SPACA7: variants seen among roughly 807,000 people sequenced by gnomAD.
SPACA7 encodes the protein sperm acrosome-associated protein 7.
SPACA7 carries 19 observed loss-of-function variants against 26.3 expected under a neutral mutation model. That is an observed-to-expected ratio of 0.72 (90% CI 0.50 to 1.06). SPACA7 has a LOEUF of 1.06. Among genes scored for constraint, SPACA7 ranks in the 50% least tolerant of loss-of-function variants. The pLI, the probability that SPACA7 is intolerant of heterozygous loss-of-function variation, is 0.00. For missense variants in SPACA7, 211 were observed against 229.9 expected, an observed-to-expected ratio of 0.92 and a Z score of 0.53; for synonymous variants, 84 against 84.5, an observed-to-expected ratio of 0.99 and a Z score of 0.04.
chr13:112,393,157 C>T (rs1406203704), intron 2 of SPACA7, 80 bp downstream of exon 2: 2 of 1,192,090 alleles, frequency 1.7e-6, no homozygotes, highest in African/African-American at 1.5e-5. Flanking sequence ...TCCCAGATAA[C>T]CTGGTACCAA....
At chr13:112,431,885 T>G (rs1359333932) in intron 5 of SPACA7, among the ~76,000 whole-genome samples, 1 of 152,134 alleles carries the variant, frequency 6.6e-6, no homozygotes, top group Non-Finnish European at 1.5e-5. Flanking sequence ...TGGGGCCGGT[T>G]TGGGGGGACT....
At chr13:112,380,969 T>C (rs9635134) in intron 1 of SPACA7, among the ~76,000 whole-genome samples, 2 of 152,334 alleles carry the variant, frequency 1.3e-5, no homozygotes, top group East Asian at 1.9e-4. Context: ...TTTAGAGATA[T>C]ATTTATCTAC....
At chr13:112,406,030 A>G (rs1885967121) in intron 5 of SPACA7, among the ~76,000 whole-genome samples, 1 of 152,154 alleles carries the variant, frequency 6.6e-6, no homozygotes, top group Admixed American at 6.6e-5. Flanking sequence ...TTTTTAGTTT[A>G]CCATTTAAAC....
At chr13:112,431,701 C>T (rs138568637) in intron 5 of SPACA7, among the ~76,000 whole-genome samples, 304 of 152,248 alleles carry the variant, frequency 2.0e-3, no homozygotes, top group African/African-American at 2.7e-3. Flanking sequence ...TGCACCTGCA[C>T]GGAGTTTTGG....
At chr13:112,429,789 T>G (rs1201653879) in intron 5 of SPACA7, among the ~76,000 whole-genome samples, 2 of 152,224 alleles carry the variant, frequency 1.3e-5, no homozygotes, top group African/African-American at 4.8e-5. Flanking sequence ...GAATCTTACT[T>G]CATTATGTGT....
Position 112,398,098 on chromosome 13 carries a change from C to A in SPACA7, c.201C>A (p.Ser67Arg), listed in dbSNP as rs769205566. Residue 67 changes from serine (S) to arginine (R), a missense_variant, in exon 3 of 7, where the codon AGC becomes AGA. Coordinates refer to ENST00000283550, the MANE Select transcript of SPACA7 (RefSeq NM_145248.5). ...TAGATCTGAATAAAACAACACCGAG[C>A]GAAATGCCAAGTACAGCATCAACAT... Reference protein sequence around the residue: ...EILDLNKTTPSEMPSTASTLS... With the variant: ...EILDLNKTTPREMPSTASTLS... 5.6e-6 allele frequency: 9 copies of A among 1,613,862 alleles called. No homozygotes were observed. The Admixed American group carries it at 1.0e-4, about 18-fold the overall frequency.
At chr13:112,378,590 T>A (rs1050833866) in intron 1 of SPACA7, 11 of 438,026 alleles carry the variant, frequency 2.5e-5, no homozygotes, top group Non-Finnish European at 5.3e-5. Flanking sequence ...AAACTCACCA[T>A]CAGACTTCAC....
At chr13:112,383,029 A>AGAGAGAGAGAGAAAGAGAGAGG (rs1457143355) in intron 1 of SPACA7, among the ~76,000 whole-genome samples, 1 of 147,110 alleles carries the variant, frequency 6.8e-6, no homozygotes, top group Non-Finnish European at 1.5e-5. Context: ...AGAAAGAAAG[A>AGAGAGAGAGAGAAAGAGAGAGG]GAGAGAGAGA....
At chr13:112,412,823 T>A (rs1886436446) in intron 5 of SPACA7, among the ~76,000 whole-genome samples, 1 of 152,194 alleles carries the variant, frequency 6.6e-6, no homozygotes, top group Non-Finnish European at 1.5e-5. Context: ...ATGTGTTGGT[T>A]TTCAGTGTAT....
intron 1 of SPACA7, among the ~76,000 whole-genome samples, chr13:112,383,657 G>C (rs1458853383): frequency 6.6e-6 from 1 of 152,160 alleles, no homozygotes; most frequent in Non-Finnish European, 1.5e-5. Context: ...TGCAGTTCCT[G>C]GGCCTGTTAG....
chr13:112,419,484 C>G (rs547614060), intron 5 of SPACA7, among the ~76,000 whole-genome samples: 43 of 152,292 alleles, frequency 2.8e-4, no homozygotes, highest in Middle Eastern at 3.4e-3. Context: ...AGCTCTGAAG[C>G]TATAAAAGCC....
At chr13:112,382,502 C>G in intron 1 of SPACA7, 2 of 1,550,364 alleles carry the variant, frequency 1.3e-6, no homozygotes, top group Non-Finnish European at 1.7e-6. Context: ...GGGAATGAAC[C>G]CCAAGGTGAG....
intron 2 of SPACA7, among the ~76,000 whole-genome samples, chr13:112,393,574 C>T (rs936274207): frequency 6.6e-6 from 1 of 152,158 alleles, no homozygotes. Flanking sequence ...GGATGCAGGC[C>T]GTGCTGGTTT....
At chr13:112,390,468 G>A (rs949787100) in intron 1 of SPACA7, among the ~76,000 whole-genome samples, 10 of 147,520 alleles carry the variant, frequency 6.8e-5, no homozygotes, top group African/African-American at 2.7e-4. Context: ...CACAATCCGA[G>A]AGCAGCATTT....
chr13:112,383,313 C>T (rs922691957), intron 1 of SPACA7, among the ~76,000 whole-genome samples: 3 of 151,894 alleles, frequency 2.0e-5, no homozygotes, highest in South Asian at 2.1e-4. Flanking sequence ...CCAAAAAAAC[C>T]TTAAGAAGCA....
At chr13:112,405,713 A>G (rs577225891) in intron 5 of SPACA7, among the ~76,000 whole-genome samples, 2 of 152,326 alleles carry the variant, frequency 1.3e-5, no homozygotes, top group South Asian at 4.1e-4. Context: ...GTCTCCTCTT[A>G]CATTTTACAC....
At chr13:112,391,342 T>A (rs1884874788) in intron 1 of SPACA7, among the ~76,000 whole-genome samples, 1 of 152,212 alleles carries the variant, frequency 6.6e-6, no homozygotes, top group Non-Finnish European at 1.5e-5. Flanking sequence ...CTTCAGGCAT[T>A]TGCCTCAGAA....
Position 112,393,053 on chromosome 13 carries a change from CAGG to C in SPACA7, c.132_134del (p.Glu44del). ...TACTGAAATACCATTCAGTTCAAAA[CAGG>C]AGGATATGTCTGAATTATTAGGTAA... On this transcript the variant is annotated inframe_deletion, in exon 2 of 7. Transcript: ENST00000283550. 1 of 1,612,946 alleles carries C rather than the reference CAGG, an allele frequency of 6.2e-7. No individual in the cohort carries two copies. Among genetic ancestry groups the C allele is most frequent in the South Asian group, 1.1e-5 (1 of 90,774 alleles).
At chr13:112,383,819 T>C (rs1336608596) in intron 1 of SPACA7, among the ~76,000 whole-genome samples, 1 of 152,240 alleles carries the variant, frequency 6.6e-6, no homozygotes, top group Non-Finnish European at 1.5e-5. Context: ...GTTAAAGCCT[T>C]GGTAAAATGA....
Sources: allele counts gnomAD v4.1 joint callset (sites outside exome capture counted in the v4.1 genomes callset), GRCh38; gene constraint gnomAD v4.1.1; transcripts MANE v1.5; gene names NCBI Gene and HGNC (gene_info 2026-07-23, HGNC 2026-07-21).